Variants in MACF1 observed in about 807,000 individuals in gnomAD.
The protein encoded by MACF1 is microtubule actin crosslinking factor 1, also known as microtubule-actin cross-linking factor 1.
A neutral mutation model predicts 854.8 loss-of-function variants in MACF1; 193 were observed. The observed-to-expected ratio is 0.23, with a 90% CI of 0.20 to 0.25. MACF1 has a LOEUF of 0.25. Ranked by LOEUF, MACF1 falls within the 10% of genes least tolerant of loss-of-function variation. The pLI is 1.00. For missense variants in MACF1, 7,722 were observed against 8,929.1 expected, an observed-to-expected ratio of 0.86 and a Z score of 5.45; for synonymous variants, 3,185 against 3,226.7, an observed-to-expected ratio of 0.99 and a Z score of 0.44.
chr1:39,444,880 G>T, intron 80 of MACF1, 45 bp downstream of exon 80: 1 of 1,489,020 alleles, frequency 6.7e-7, no homozygotes, highest in Non-Finnish European at 9.1e-7. Flanking sequence ...CTGAGTGATT[G>T]CATGTATAAT....
At chr1:39,091,939 G>A (rs1340405235) in intron 2 of MACF1, among the ~76,000 whole-genome samples, 1 of 152,082 alleles carries the variant, frequency 6.6e-6, no homozygotes, top group Non-Finnish European at 1.5e-5. Flanking sequence ...GGGCTACTTT[G>A]CTCTAGGCTC....
chr1:39,353,575 A>T lies in MACF1; in HGVS notation c.11424+344A>T, dbSNP rs117844366. The stretch of plus-strand genomic sequence containing the variant: ...CTGTAATTGCCATTTGCACTAATGA[A>T]TTCTGTGTATGCATTTCCTTCCAGC... On this transcript the variant is annotated intron_variant, in intron 44 of 100. Coordinates refer to ENST00000564288, the MANE Select transcript of MACF1 (RefSeq NM_001394062.1). Among the ~76,000 whole-genome samples, 123 of 152,216 alleles carry T rather than the reference A, an allele frequency of 8.1e-4. 3 individuals carry two copies. The East Asian group carries it at 0.019, about 23-fold the overall frequency.
chr1:39,476,624 G>A (rs891112307), intron 97 of MACF1, among the ~76,000 whole-genome samples: 3 of 151,752 alleles, frequency 2.0e-5, no homozygotes, highest in African/African-American at 7.3e-5. Context: ...GTGGATACAT[G>A]CAAAATGTTT....
chr1:39,293,131 G>GT (rs1645830199), intron 17 of MACF1, among the ~76,000 whole-genome samples: 1 of 152,170 alleles, frequency 6.6e-6, no homozygotes, highest in Admixed American at 6.5e-5. Context: ...AAAACTAAAA[G>GT]TTTGAGATTT....
intron 2 of MACF1, among the ~76,000 whole-genome samples, chr1:39,190,403 T>G (rs867178196): frequency 5.6e-4 from 55 of 97,606 alleles, no homozygotes; most frequent in African/African-American, 3.2e-3. Context: ...TTGTTTTTGT[T>G]TTTTTTTTTT....
chr1:39,395,128 A>G (rs1446768975), intron 58 of MACF1, among the ~76,000 whole-genome samples: 2 of 152,224 alleles, frequency 1.3e-5, no homozygotes, highest in Non-Finnish European at 2.9e-5. Flanking sequence ...GCCACTATCA[A>G]CATTTTGGAC....
At chr1:39,170,642 A>T (rs1643936308) in intron 2 of MACF1, among the ~76,000 whole-genome samples, 1 of 152,266 alleles carries the variant, frequency 6.6e-6, no homozygotes, top group Non-Finnish European at 1.5e-5. Context: ...TAATGGATTC[A>T]TTCAGCAGGT....
chr1:39,462,215 G>C (rs1040930928), intron 93 of MACF1, among the ~76,000 whole-genome samples, 178 bp downstream of exon 93: 1 of 152,154 alleles, frequency 6.6e-6, no homozygotes, highest in African/African-American at 2.4e-5. Flanking sequence ...GAGGATCTCT[G>C]ACATCTGAGC....
intron 44 of MACF1, among the ~76,000 whole-genome samples, chr1:39,356,891 A>G (rs1647632288): frequency 6.6e-6 from 1 of 152,196 alleles, no homozygotes; most frequent in African/African-American, 2.4e-5. Context: ...TACCTACATT[A>G]TAGGTCGTGC....
intron 6 of MACF1, among the ~76,000 whole-genome samples, chr1:39,261,858 A>G (rs1428153444): frequency 2.0e-5 from 3 of 152,210 alleles, no homozygotes; most frequent in Non-Finnish European, 4.4e-5. Context: ...AAGCATGTTT[A>G]GCTTTTAAAG....
intron 50 of MACF1, among the ~76,000 whole-genome samples, chr1:39,369,220 T>C (rs1310544031): frequency 1.3e-5 from 2 of 152,134 alleles, no homozygotes; most frequent in East Asian, 3.9e-4. Flanking sequence ...AGGGAATATA[T>C]GACAAGGCTG....
At chr1:39,102,121 A>T (rs562341513) in intron 2 of MACF1, among the ~76,000 whole-genome samples, 1 of 148,280 alleles carries the variant, frequency 6.7e-6, no homozygotes, top group Non-Finnish European at 1.5e-5. Flanking sequence ...AGCCTGCAGT[A>T]AGCCGAGATC....
intron 58 of MACF1, chr1:39,411,358 G>C: frequency 6.2e-7 from 1 of 1,614,038 alleles, no homozygotes; most frequent in Non-Finnish European, 8.5e-7. Context: ...TGAAGAAAGA[G>C]AACAAGCAAA....
rs142018248 is a variant in MACF1, at chr1:39,207,374, G to A, written c.109+2243G>A. ...TGGCTCACCGCAAGCTCCGCCTCCC[G>A]GGTTCAAGTGATTCTCCTGCCTCAG... On this transcript the variant is annotated intron_variant, in intron 1 of 100. Transcript: ENST00000564288. Among the ~76,000 whole-genome samples, 628 of 151,120 alleles carry A rather than the reference G, an allele frequency of 4.2e-3. 5 individuals are homozygous for A. The highest frequency in any genetic ancestry group is 6.2e-3 in the African/African-American group (257 of 41,148).
intron 6 of MACF1, among the ~76,000 whole-genome samples, chr1:39,264,631 C>CT (rs1239431950): frequency 6.8e-6 from 1 of 147,226 alleles, no homozygotes; most frequent in Non-Finnish European, 1.5e-5. Flanking sequence ...GACCGACTGA[C>CT]TTTTTTGGGT....
intron 94 of MACF1, 176 bp downstream of exon 94, chr1:39,463,862 T>A (rs1210456003): frequency 3.5e-6 from 2 of 563,428 alleles, no homozygotes; most frequent in African/African-American, 3.8e-5. Context: ...TGAAAACTAG[T>A]CCCATATCTA....
chr1:39,454,659 G>A (rs1644401629), intron 88 of MACF1, among the ~76,000 whole-genome samples: 9 of 152,084 alleles, frequency 5.9e-5, no homozygotes, highest in Admixed American at 5.2e-4. Context: ...AATTAGCTGG[G>A]TATGGTGGCA....
chr1:39,427,743 A>C, intron 62 of MACF1, 129 bp downstream of exon 62: 3 of 1,041,406 alleles, frequency 2.9e-6, no homozygotes, highest in South Asian at 3.3e-5. Flanking sequence ...TCAGATTATT[A>C]ATTGGAAAAG....
chr1:39,140,759 A>G (rs1021727493), intron 2 of MACF1, among the ~76,000 whole-genome samples: 4 of 151,946 alleles, frequency 2.6e-5, no homozygotes, highest in Admixed American at 6.6e-5. Context: ...TACTAAAAAT[A>G]CGAAAATTAG....
Sources: allele counts gnomAD v4.1 joint callset (sites outside exome capture counted in the v4.1 genomes callset), GRCh38; gene constraint gnomAD v4.1.1; transcripts MANE v1.5; gene names NCBI Gene and HGNC (gene_info 2026-07-23, HGNC 2026-07-21).